KIF3A: variants seen among roughly 807,000 people sequenced by gnomAD.
The protein encoded by KIF3A is kinesin-like protein KIF3A.
In KIF3A, 27 loss-of-function variants were observed where a neutral mutation model predicts 92.6. The ratio of observed to expected loss-of-function variants is 0.29; its 90% confidence interval spans 0.21 to 0.40. KIF3A has a LOEUF of 0.40. Ranked by LOEUF, KIF3A falls within the 10% of genes least tolerant of loss-of-function variation. The pLI is 1.00. For missense variants in KIF3A, 581 were observed against 872.6 expected, an observed-to-expected ratio of 0.67 and a Z score of 4.21; for synonymous variants, 250 against 275.4, an observed-to-expected ratio of 0.91 and a Z score of 0.92.
chr5:132,715,694 A>T, intron 8 of KIF3A, 63 bp downstream of exon 8: 1 of 1,258,880 alleles, frequency 7.9e-7, no homozygotes, highest in Non-Finnish European at 1.1e-6. Context: ...TTGTTAGAAC[A>T]GTTAGTGGTT....
At chr5:132,700,573 T>C (rs879586099) in intron 16 of KIF3A, 74 bp downstream of exon 16, 4 of 1,021,090 alleles carry the variant, frequency 3.9e-6, no homozygotes, top group Non-Finnish European at 6.2e-6. Context: ...TCCTCCCCAC[T>C]GTAGCCAGCA....
At position 132,699,854 on chromosome 5, in the gene KIF3A, G is replaced by A. The variant is rs181260613; in HGVS notation, c.2007+362C>T. ...TGGGATTACAGGCGTGAGCCACCAC[G>A]CCCGGCCCGCTCCCTCTTCTTCTTG... On this transcript the variant is annotated intron_variant, in intron 17 of 18. Transcript: ENST00000403231. Among the ~76,000 whole-genome samples, 438 of 152,166 alleles carry A rather than the reference G, an allele frequency of 2.9e-3. 2 individuals carry two copies. Among genetic ancestry groups the A allele is most frequent in the African/African-American group, 0.01 (421 of 41,512 alleles).
rs1387834941 is a variant in KIF3A, at chr5:132,724,839, ATATATATATATATATATT to A, written c.510+1271_510+1288del. The stretch of plus-strand genomic sequence containing the variant: ...TATATATATATATATATATATATAT[ATATATATATATATATATT>A]AAAAAATCATTCTAAGAAAGGGATT... On this transcript the variant is annotated intron_variant, in intron 4 of 18. Coordinates refer to ENST00000403231, the MANE Select transcript of KIF3A (RefSeq NM_001300791.2). Among the ~76,000 whole-genome samples the A allele has an allele frequency of 9.8e-3, 294 of 29,862 alleles. 24 individuals carry two copies. The highest frequency in any genetic ancestry group is 0.08 in the South Asian group (74 of 930). The allele number at this position is 29,862 out of a possible 152,430, so 19.6% of individuals were successfully genotyped here. A position where few individuals can be genotyped will look rare whatever the true frequency, so the allele number is the denominator to read the frequency against.
chr5:132,734,591 T>A, intron 1 of KIF3A, 113 bp from the exon 2 acceptor site: 1 of 805,564 alleles, frequency 1.2e-6, no homozygotes, highest in Non-Finnish European at 1.9e-6. Flanking sequence ...TTGCACACAT[T>A]AAACACTTCA....
intron 14 of KIF3A, 81 bp from the exon 15 acceptor site, chr5:132,702,293 C>CT (rs1753064557): frequency 7.2e-7 from 1 of 1,382,304 alleles, no homozygotes; most frequent in Admixed American, 2.0e-5. Flanking sequence ...GGATGCTTGT[C>CT]TAAGAAACCT....
Position 132,726,147 on chromosome 5 carries a change from T to C in KIF3A, c.491A>G (p.Asp164Gly). Residue 164 changes from aspartate (D) to glycine (G), a missense_variant, in exon 4 of 19, where the codon GAT (aspartate) becomes GGT (glycine). Asp to Gly is a moderately conservative substitution (Grantham distance 94). Around this residue, in one of 5 missense-constraint regions of KIF3A, gnomAD observed 217 missense variants for 299.7 expected, o/e 0.72. Coordinates refer to ENST00000403231, the MANE Select transcript of KIF3A (RefSeq NM_001300791.2). The part of the protein sequence containing the change: ...NEEVRDLLGK[D>G]QTQRLEVKER... ...CCTTACCTCTAACCTTTGTGTCTGA[T>C]CCTTGCCCAAAAGGTCACGAACTTC... 6.2e-7 allele frequency: 1 copy of C among 1,611,488 alleles called. No homozygotes were observed. Among genetic ancestry groups the C allele is most frequent in the Non-Finnish European group, 8.5e-7 (1 of 1,178,750 alleles).
chr5:132,702,977 C>T lies in KIF3A; in HGVS notation c.1555G>A (p.Glu519Lys), dbSNP rs1188880362. ...GATTCTTCAAGAAGTTTCTCTTGTT[C>T]CTCAGCTTTGGCCAACAAGTCAACC... is the stretch of plus-strand genomic sequence containing the variant. ...GGVDLLAKAE[E>K]QEKLLEESNM... The change falls in exon 13 of 19, where the codon GAA (glutamate) becomes AAA (lysine). Residue 519 changes from glutamate to lysine, a missense_variant. Coordinates refer to ENST00000403231, the MANE Select transcript of KIF3A (RefSeq NM_001300791.2). 3.1e-6 allele frequency: 5 copies of T among 1,612,286 alleles called. No individual in the cohort carries two copies. Among genetic ancestry groups the T allele is most frequent in the Non-Finnish European group, 4.2e-6 (5 of 1,179,580 alleles).
downstream of KIF3A, among the ~76,000 whole-genome samples, chr5:132,692,203 G>C (rs1042007645): frequency 1.3e-5 from 2 of 152,136 alleles, no homozygotes; most frequent in African/African-American, 4.8e-5. Context: ...TCACTTATAA[G>C]TGGGAGCCAA....
chr5:132,689,624 T>C (rs529467337), downstream of KIF3A: 2 of 152,354 alleles, frequency 1.3e-5, no homozygotes, highest in South Asian at 2.1e-4. Context: ...GATGATAGGA[T>C]GGACAATGTC....
chr5:132,710,115 T>C (rs1270189380), intron 9 of KIF3A, among the ~76,000 whole-genome samples: 2 of 152,240 alleles, frequency 1.3e-5, no homozygotes, highest in Non-Finnish European at 2.9e-5. Flanking sequence ...GCATATTATC[T>C]ATATTCTGAT....
rs753623238 is a variant in KIF3A, at chr5:132,716,805, C to A, written c.756+40G>T. ...ATTCATTTATAAAATAAATGGATCACAAGAAAGAGTTATTCCTTAAGCAGT... is the reference window on the plus strand; with the variant it reads ...ATTCATTTATAAAATAAATGGATCAAAAGAAAGAGTTATTCCTTAAGCAGT... On this transcript the variant is annotated intron_variant, in intron 6 of 18. Transcript: ENST00000403231. 6.9e-6 allele frequency: 11 copies of A among 1,592,510 alleles called. No homozygotes were observed. In the Admixed American group the frequency reaches 7.3e-5, roughly 11 times the overall value.
At chr5:132,689,353 G>C (rs1581050741), downstream of KIF3A, among the ~76,000 whole-genome samples, 1 of 152,068 alleles carries the variant, frequency 6.6e-6, no homozygotes, top group Non-Finnish European at 1.5e-5. Flanking sequence ...TTTTAAAAAT[G>C]GATTCAAAGT....
intron 10 of KIF3A, among the ~76,000 whole-genome samples, chr5:132,707,986 A>G (rs964812883): frequency 2.6e-4 from 40 of 152,358 alleles, no homozygotes; most frequent in Middle Eastern, 3.4e-3. Context: ...CATACCTTAG[A>G]AAATCTCTTA....
chr5:132,721,921 T>G (rs530572172), intron 4 of KIF3A, among the ~76,000 whole-genome samples: 1 of 152,320 alleles, frequency 6.6e-6, no homozygotes, highest in African/African-American at 2.4e-5. Context: ...GATGAAAGTG[T>G]TGAAATGCTT....
intron 4 of KIF3A, chr5:132,723,792 G>T (rs1336448813): frequency 1.3e-5 from 2 of 152,142 alleles, no homozygotes; most frequent in African/African-American, 4.8e-5. Context: ...AGCCAAAATT[G>T]ACAAATGGGA....
intron 2 of KIF3A, among the ~76,000 whole-genome samples, chr5:132,733,277 A>T (rs1049000553): frequency 2.0e-5 from 3 of 152,238 alleles, no homozygotes; most frequent in Non-Finnish European, 4.4e-5. Context: ...TTGATATTTG[A>T]ATTTTATCAC....
At chr5:132,720,897 T>C (rs1314122285) in intron 4 of KIF3A, among the ~76,000 whole-genome samples, 183 bp from the exon 5 acceptor site, 1 of 152,206 alleles carries the variant, frequency 6.6e-6, no homozygotes, top group Non-Finnish European at 1.5e-5. Context: ...ACATAAAAAT[T>C]ATTTTATTTC....
chr5:132,729,159 A>C (rs557397959), intron 2 of KIF3A, among the ~76,000 whole-genome samples: 19 of 152,214 alleles, frequency 1.2e-4, no homozygotes, highest in African/African-American at 4.6e-4. Flanking sequence ...GAGATAAAAG[A>C]CTACACATTG....
chr5:132,731,186 G>A (rs1222795728), intron 2 of KIF3A, among the ~76,000 whole-genome samples: 1 of 152,054 alleles, frequency 6.6e-6, no homozygotes, highest in Admixed American at 6.6e-5. Flanking sequence ...TATGAAACTA[G>A]CATTATCACA....
Sources: gnomAD v4.1 joint callset for allele counts (sites outside exome capture counted in the v4.1 genomes callset) on GRCh38, gnomAD v4.1.1 for gene constraint, gnomAD v4.1.1 regional missense constraint, MANE v1.5 for transcripts, NCBI Gene and HGNC (gene_info 2026-07-23, HGNC 2026-07-21) for gene names.